Variants in CCDC60 observed in about 807,000 individuals in gnomAD.
CCDC60 encodes the protein coiled-coil domain-containing protein 60.
Under a neutral mutation model 63.5 loss-of-function variants are expected in CCDC60, and 54 were observed. The ratio of observed to expected loss-of-function variants is 0.85; its 90% CI spans 0.68 to 1.07. CCDC60 has a LOEUF of 1.07. Among genes scored for constraint, CCDC60 ranks in the 50% least tolerant of loss-of-function variants. The probability of loss-of-function intolerance (pLI) is 0.00; values close to 1 mark genes in which losing one functional copy is unlikely to be tolerated. For missense variants in CCDC60, 651 were observed against 684.3 expected, an observed-to-expected ratio of 0.95 and a Z score of 0.54; for synonymous variants, 206 against 238.8, an observed-to-expected ratio of 0.86 and a Z score of 1.27.
rs149079936 is a variant in CCDC60, at chr12:119,413,079, T to C, written c.91-15604T>C. On this transcript the variant is annotated intron_variant, in intron 1 of 13. Transcript: ENST00000327554. Reference sequence around the variant, plus strand: ...CTCCAGGACTTTGAACAGCAGCCGCTAGCCCATCGTACAGATTCCCATTAG... The same window carrying C: ...CTCCAGGACTTTGAACAGCAGCCGCCAGCCCATCGTACAGATTCCCATTAG... Among the ~76,000 whole-genome samples, 1,173 of 152,302 alleles carry C rather than the reference T, an allele frequency of 7.7e-3. 12 individuals carry two copies. The highest frequency in any genetic ancestry group is 0.027 in the African/African-American group (1,133 of 41,570).
intron 9 of CCDC60, among the ~76,000 whole-genome samples, chr12:119,520,578 G>A (rs552194227): frequency 2.2e-5 from 3 of 133,352 alleles, no homozygotes; most frequent in East Asian, 4.3e-4. Context: ...CTCTCACTCT[G>A]TCACCCAGGC....
intron 1 of CCDC60, among the ~76,000 whole-genome samples, chr12:119,342,113 T>C (rs1309820916): frequency 1.3e-5 from 2 of 152,370 alleles, no homozygotes; most frequent in South Asian, 2.1e-4. Context: ...GCTGTTGGCA[T>C]TGGCTCGAGA....
At chr12:119,391,007 C>T (rs776541902) in intron 1 of CCDC60, among the ~76,000 whole-genome samples, 1 of 152,194 alleles carries the variant, frequency 6.6e-6, no homozygotes, top group Non-Finnish European at 1.5e-5. Context: ...TGTGTGATGC[C>T]ATTTCTCATT....
intron 2 of CCDC60, among the ~76,000 whole-genome samples, chr12:119,449,210 C>T (rs1032506564): frequency 6.6e-6 from 1 of 152,166 alleles, no homozygotes; most frequent in Non-Finnish European, 1.5e-5. Context: ...ACTTGTGTAA[C>T]TTGATATTAA....
At chr12:119,385,558 T>A (rs1956051420) in intron 1 of CCDC60, among the ~76,000 whole-genome samples, 1 of 152,228 alleles carries the variant, frequency 6.6e-6, no homozygotes, top group African/African-American at 2.4e-5. Context: ...TCCATCATGA[T>A]TGTGAGGCCC....
intron 1 of CCDC60, among the ~76,000 whole-genome samples, chr12:119,428,054 G>A (rs1956931043): frequency 6.6e-6 from 1 of 152,048 alleles, no homozygotes; most frequent in Non-Finnish European, 1.5e-5. Context: ...CAACTTCTGA[G>A]TAATGTGAGA....
intron 1 of CCDC60, among the ~76,000 whole-genome samples, chr12:119,406,595 C>T (rs1956496821): frequency 1.3e-5 from 2 of 149,484 alleles, no homozygotes; most frequent in Non-Finnish European, 3.0e-5. Flanking sequence ...ACAGCATTTA[C>T]AATGTAAGAG....
At chr12:119,534,258 T>C (rs1018319765) in intron 13 of CCDC60, among the ~76,000 whole-genome samples, 4 of 152,210 alleles carry the variant, frequency 2.6e-5, no homozygotes, top group Admixed American at 2.6e-4. Flanking sequence ...TTTTTCCACA[T>C]TGATTTTGTA....
chr12:119,447,182 G>A (rs1950558149), intron 2 of CCDC60, among the ~76,000 whole-genome samples: 1 of 152,184 alleles, frequency 6.6e-6, no homozygotes. Context: ...ACGAGTGTCA[G>A]GTAACCACCC....
At chr12:119,438,211 T>C (rs1950365297) in intron 2 of CCDC60, among the ~76,000 whole-genome samples, 1 of 152,214 alleles carries the variant, frequency 6.6e-6, no homozygotes, top group Non-Finnish European at 1.5e-5. Flanking sequence ...TACACTACTC[T>C]CTCCTGAGGG....
chr12:119,343,310 A>G (rs1459624523), intron 1 of CCDC60, among the ~76,000 whole-genome samples: 4 of 152,138 alleles, frequency 2.6e-5, no homozygotes, highest in Admixed American at 2.0e-4. Context: ...GCGTCTGGCA[A>G]TCGGCTTGCA....
chr12:119,439,904 A>AAAAT (rs1324712867), intron 2 of CCDC60, among the ~76,000 whole-genome samples: 2 of 152,214 alleles, frequency 1.3e-5, no homozygotes. Flanking sequence ...CAATGAGGGA[A>AAAAT]AAATAACTAC....
rs771471436 is a variant in CCDC60 at position 119,528,725 on chromosome 12, C to T, written c.1340C>T (p.Ala447Val). 13 of 1,613,524 alleles carry T rather than the reference C, an allele frequency of 8.1e-6. No homozygotes were observed. Among genetic ancestry groups the T allele is most frequent in the Non-Finnish European group, 1.1e-5 (13 of 1,179,744 alleles). ...CACATATCTGTAGTAAAAGGAGATG[C>T]AGAAGAAATTGCAGACCACTGGTAA... ...RHHISVVKGD[A>V]EEIADHWYFD... Residue 447 changes from alanine to valine, a missense_variant, in exon 12 of 14, where the codon GCA becomes GTA. Transcript: ENST00000327554.
intron 1 of CCDC60, among the ~76,000 whole-genome samples, chr12:119,404,075 G>A (rs1342994943): frequency 6.6e-6 from 1 of 152,134 alleles, no homozygotes; most frequent in African/African-American, 2.4e-5. Context: ...ATCACTTGAG[G>A]TCAGGAGTTC....
chr12:119,362,356 T>G (rs529313191), intron 1 of CCDC60, among the ~76,000 whole-genome samples: 1 of 152,270 alleles, frequency 6.6e-6, no homozygotes, highest in East Asian at 1.9e-4. Flanking sequence ...TATAAAACAT[T>G]CCAGAAGATT....
chr12:119,371,033 A>G (rs986778542), intron 1 of CCDC60, among the ~76,000 whole-genome samples: 3 of 152,122 alleles, frequency 2.0e-5, no homozygotes, highest in Non-Finnish European at 4.4e-5. Context: ...CACTGTCTCT[A>G]TTTTAAAAAA....
At chr12:119,507,157 G>A (rs539617045) in intron 7 of CCDC60, among the ~76,000 whole-genome samples, 2 of 152,086 alleles carry the variant, frequency 1.3e-5, no homozygotes, top group Admixed American at 6.6e-5. Flanking sequence ...TCAAGGAGGC[G>A]AAAAAGGAGG....
intron 1 of CCDC60, among the ~76,000 whole-genome samples, chr12:119,425,091 G>C (rs1364578151): frequency 6.6e-6 from 1 of 152,174 alleles, no homozygotes; most frequent in Middle Eastern, 3.2e-3. Flanking sequence ...ATGTTTAGGA[G>C]AGTGGTACAG....
At chr12:119,418,650 G>A (rs889161297) in intron 1 of CCDC60, among the ~76,000 whole-genome samples, 5 of 151,750 alleles carry the variant, frequency 3.3e-5, no homozygotes, top group African/African-American at 1.2e-4. Flanking sequence ...CCTGACCTCA[G>A]GTGATCCACC....
Sources: allele counts gnomAD v4.1 joint callset (sites outside exome capture counted in the v4.1 genomes callset), GRCh38; gene constraint gnomAD v4.1.1; transcripts MANE v1.5; gene names NCBI Gene and HGNC (gene_info 2026-07-23, HGNC 2026-07-21).